Variants in ZFYVE28 observed in about 807,000 individuals in gnomAD.
The protein encoded by ZFYVE28 is zinc finger FYVE-type containing 28, also known as lateral signaling target protein 2 homolog.
In ZFYVE28, 40 loss-of-function variants were observed where a neutral mutation model predicts 82.1. That is an observed-to-expected ratio of 0.49 (90% CI 0.38 to 0.63). The LOEUF is 0.63. Ranked by LOEUF, ZFYVE28 falls within the 30% of genes least tolerant of loss-of-function variation. ZFYVE28 has a pLI of 0.00. For synonymous variants in ZFYVE28, 612 were observed against 546.1 expected (o/e 1.12, Z -1.68); for missense variants, 1,321 against 1,242.1 (o/e 1.06, Z -0.96).
intron 8 of ZFYVE28, among the ~76,000 whole-genome samples, chr4:2,284,255 C>T (rs1159666543): frequency 6.6e-6 from 1 of 152,110 alleles, no homozygotes; most frequent in South Asian, 2.1e-4. Context: ...TGATAAAGGC[C>T]GTGTCGCCCA....
chr4:2,290,504 A>G (rs1393494275), intron 8 of ZFYVE28, among the ~76,000 whole-genome samples: 1 of 152,148 alleles, frequency 6.6e-6, no homozygotes, highest in Non-Finnish European at 1.5e-5. Context: ...TCCTCTCGTG[A>G]GGATGCAACG....
In ZFYVE28 at chr4:2,270,517, G is replaced by A. The variant is rs944713822; in HGVS notation, c.*208C>T. 2.9e-6 allele frequency: 2 copies of A among 701,118 alleles called. No individual in the cohort carries two copies. The highest frequency in any genetic ancestry group is 5.9e-5 in the Admixed American group (2 of 33,754). 43.4% of individuals were successfully genotyped at this position (701,118 alleles called of 1,614,324 possible). ...TCCGGGTCCCCTGCTGGGCAAAGCT[G>A]ACCTCTTGTTGGCCCCTGCAGCCGG... On this transcript the variant is annotated 3_prime_UTR_variant, in exon 13 of 13. Transcript: ENST00000290974.
chr4:2,295,167 G>A (rs1025486866), intron 8 of ZFYVE28, among the ~76,000 whole-genome samples: 1 of 104,208 alleles, frequency 9.6e-6, no homozygotes, highest in Non-Finnish European at 2.2e-5. Flanking sequence ...ACATTTTTTT[G>A]TTTTCGTTTT....
intron 2 of ZFYVE28, among the ~76,000 whole-genome samples, chr4:2,346,363 G>A (rs1240961798): frequency 1.4e-5 from 2 of 147,704 alleles, no homozygotes; most frequent in African/African-American, 2.5e-5. Flanking sequence ...AAGAAAGAAA[G>A]AAAGAAAGAA....
At chr4:2,274,422 C>T (rs2108798744) in intron 8 of ZFYVE28, among the ~76,000 whole-genome samples, 1 of 152,192 alleles carries the variant, frequency 6.6e-6, no homozygotes, top group East Asian at 1.9e-4. Flanking sequence ...CCAGGTGGTA[C>T]AACAGGGCTC....
At chr4:2,314,938 C>T (rs1717992208) in intron 7 of ZFYVE28, among the ~76,000 whole-genome samples, 1 of 152,074 alleles carries the variant, frequency 6.6e-6, no homozygotes, top group African/African-American at 2.4e-5. Context: ...CCACCATGCC[C>T]AGCTAATTTT....
chr4:2,385,020 T>C (rs962939873), intron 1 of ZFYVE28, among the ~76,000 whole-genome samples: 1 of 151,826 alleles, frequency 6.6e-6, no homozygotes, highest in African/African-American at 2.4e-5. Context: ...ATAAACAGAG[T>C]TTGTAAAAGG....
intron 1 of ZFYVE28, among the ~76,000 whole-genome samples, chr4:2,406,948 A>C (rs1277202808): frequency 6.6e-6 from 1 of 152,010 alleles, no homozygotes; most frequent in Non-Finnish European, 1.5e-5. Flanking sequence ...CACTTAGCTC[A>C]TGGTCTCAAA....
rs546971080 is a variant in ZFYVE28 at position 2,337,562 on chromosome 4, G to T, written c.522-66C>A. 4,025 of 1,306,024 alleles carry T rather than the reference G, an allele frequency of 3.1e-3. 136 individuals are homozygous for T. In the South Asian group the frequency reaches 0.052, roughly 17 times the overall value. The allele number at this position is 1,306,024 out of a possible 1,614,324, so 80.9% of individuals were successfully genotyped here. On this transcript the variant is annotated intron_variant, in intron 4 of 12. Coordinates refer to ENST00000290974, the MANE Select transcript of ZFYVE28 (RefSeq NM_020972.3). ...TGGCGGGGCCCCTCCAAAACAGAGT[G>T]GGGGGCATCTTCAATTAAAGCTGCA... is the stretch of plus-strand genomic sequence containing the variant.
intron 8 of ZFYVE28, 27 bp from the exon 9 acceptor site, chr4:2,274,243 G>A: frequency 6.2e-7 from 1 of 1,603,970 alleles, no homozygotes; most frequent in Non-Finnish European, 8.5e-7. Flanking sequence ...ATACCGGTGT[G>A]TGGGGTGGGG....
At chr4:2,391,326 C>T (rs963004680) in intron 1 of ZFYVE28, among the ~76,000 whole-genome samples, 8 of 152,136 alleles carry the variant, frequency 5.3e-5, no homozygotes, top group African/African-American at 9.7e-5. Flanking sequence ...TCATGTGTGG[C>T]GGAAGAGCCT....
In ZFYVE28 at chr4:2,335,362, G is replaced by C. The variant is rs1238359188; in HGVS notation, c.701+343C>G. Among the ~76,000 whole-genome samples the C allele has an allele frequency of 6.6e-6, 1 of 152,170 alleles. No individual in the cohort carries two copies. Among genetic ancestry groups the C allele is most frequent in the African/African-American group, 2.4e-5 (1 of 41,464 alleles). ...CCCACAGCCCCTGCGTGGCCACTCT[G>C]TTCCGAGCATGACCCCTGTGTGACC... is the stretch of plus-strand genomic sequence containing the variant. On this transcript the variant is annotated intron_variant, in intron 6 of 12. Coordinates refer to ENST00000290974, the MANE Select transcript of ZFYVE28 (RefSeq NM_020972.3). This position sits in a 1 kb window ranked among gnomAD's most constrained non-coding sequence, Gnocchi z 5.8.
chr4:2,274,354 A>C, intron 8 of ZFYVE28, 138 bp from the exon 9 acceptor site: 1 of 1,122,004 alleles, frequency 8.9e-7, no homozygotes, highest in Non-Finnish European at 1.2e-6. Context: ...GCCCAGATAC[A>C]CAACTTTCCT....
intron 1 of ZFYVE28, among the ~76,000 whole-genome samples, chr4:2,401,896 CA>C (rs1731225426): frequency 6.6e-6 from 1 of 152,218 alleles, no homozygotes; most frequent in South Asian, 2.1e-4. Context: ...AAAGACCTTT[CA>C]AACAAAACCA....
Position 2,348,089 on chromosome 4 carries a change from A to C in ZFYVE28, c.180+5844T>G, listed in dbSNP as rs527334201. Among the ~76,000 whole-genome samples the C allele has an allele frequency of 9.8e-5, 15 of 152,310 alleles. 1 individual carries two copies. In the South Asian group the frequency reaches 3.1e-3, roughly 32 times the overall value. On this transcript the variant is annotated intron_variant, in intron 2 of 12. Coordinates refer to ENST00000290974, the MANE Select transcript of ZFYVE28 (RefSeq NM_020972.3). ...CTCTATCAACACAGTTCAGAATGAA[A>C]ACAGAAGATACAACTTAATAACAGG...
chr4:2,333,893 C>T (rs563300092), intron 6 of ZFYVE28, among the ~76,000 whole-genome samples: 1 of 152,320 alleles, frequency 6.6e-6, no homozygotes, highest in African/African-American at 2.4e-5. Context: ...CAGAGAGACA[C>T]TTGTCTAGAA....
At chr4:2,364,684 C>T (rs1412077269) in intron 1 of ZFYVE28, 1 of 985,376 alleles carries the variant, frequency 1.0e-6, no homozygotes, top group Non-Finnish European at 1.2e-6. Flanking sequence ...CTGGACAAGC[C>T]CTTAGCACCT....
intron 1 of ZFYVE28, among the ~76,000 whole-genome samples, chr4:2,392,286 G>C (rs188513232): frequency 6.6e-6 from 1 of 152,256 alleles, no homozygotes; most frequent in African/African-American, 2.4e-5. Flanking sequence ...TGGCTGGATG[G>C]CACCATCTCC....
At position 2,303,075 on chromosome 4, in the gene ZFYVE28, C is replaced by T. The variant is rs146577985; in HGVS notation, c.2051+1214G>A. Among the ~76,000 whole-genome samples, 379 of 152,304 alleles carry T rather than the reference C, an allele frequency of 2.5e-3. 2 individuals are homozygous for T. The highest frequency in any genetic ancestry group is 8.5e-3 in the African/African-American group (353 of 41,568). On this transcript the variant is annotated intron_variant, in intron 8 of 12. Coordinates refer to ENST00000290974, the MANE Select transcript of ZFYVE28 (RefSeq NM_020972.3). ...ATCGATGGAAAGTGACTGAGGCTCC[C>T]AGGGCCTGATGGGGAGTGGGGAGGG...
Sources: gnomAD v4.1 joint callset for allele counts (sites outside exome capture counted in the v4.1 genomes callset) on GRCh38, gnomAD v4.1.1 for gene constraint, Gnocchi (gnomAD v3.1) non-coding constraint, MANE v1.5 for transcripts, NCBI Gene and HGNC (gene_info 2026-07-23, HGNC 2026-07-21) for gene names.